The following NDST1 variants were observed in gnomAD, a reference collection of about 807,000 sequenced individuals.
NDST1 encodes the protein bifunctional heparan sulfate N-deacetylase/N-sulfotransferase 1.
Under a neutral mutation model 92.8 loss-of-function variants are expected in NDST1, and 35 were observed. That is an observed-to-expected ratio of 0.38 (90% CI 0.29 to 0.50). NDST1 has a LOEUF of 0.50. Among genes scored for constraint, NDST1 ranks in the 20% least tolerant of loss-of-function variants. NDST1 has a pLI of 0.94. For synonymous variants in NDST1, 493 were observed against 500.3 expected (o/e 0.99, Z 0.19); for missense variants, 822 against 1,182.7 (o/e 0.69, Z 4.47).
At chr5:150,539,539 G>A (rs1035316513) in intron 7 of NDST1, 183 bp downstream of exon 7, 4 of 1,462,486 alleles carry the variant, frequency 2.7e-6, no homozygotes, top group East Asian at 2.5e-5. Flanking sequence ...TAAAGAATCC[G>A]AGCATGCTTT....
rs148635500 is a variant in NDST1 at position 150,523,374 on chromosome 5, G to A, written c.513+1607G>A. On this transcript the variant is annotated intron_variant, in intron 2 of 14. Transcript: ENST00000261797. ...GAGTCCCAGGCCTGAAAAGCGTCAA[G>A]AGGCTGACGTTTATTGAGTGCTCAC... 3.3e-4 allele frequency among the ~76,000 whole-genome samples: 51 copies of A among 152,328 alleles called. No individual in the cohort carries two copies. In the East Asian group the frequency reaches 9.8e-3, roughly 29 times the overall value.
chr5:150,502,226 A>G (rs895788612), intron 1 of NDST1, among the ~76,000 whole-genome samples: 1 of 151,950 alleles, frequency 6.6e-6, no homozygotes, highest in Admixed American at 6.5e-5. Flanking sequence ...AGGCTGCTGC[A>G]GTCTTGCCAC....
intron 6 of NDST1, 27 bp downstream of exon 6, chr5:150,535,912 G>T (rs1339543545): frequency 1.9e-6 from 3 of 1,607,574 alleles, no homozygotes; most frequent in Middle Eastern, 1.7e-4. Context: ...AAGCCCAGGA[G>T]GTGGGAGAAT....
At chr5:150,548,903 A>G (rs1283434460) in intron 12 of NDST1, among the ~76,000 whole-genome samples, 1 of 152,204 alleles carries the variant, frequency 6.6e-6, no homozygotes, top group Admixed American at 6.5e-5. Context: ...CCATCACCAC[A>G]GGCCCTGTAG....
At chr5:150,520,077 G>A (rs932443083) in intron 1 of NDST1, among the ~76,000 whole-genome samples, 33 of 152,096 alleles carry the variant, frequency 2.2e-4, no homozygotes, top group African/African-American at 7.5e-4. Flanking sequence ...CTGTGGGTAC[G>A]TACCCCGAGG....
chr5:150,500,883 C>T (rs1450746207), intron 1 of NDST1, among the ~76,000 whole-genome samples: 1 of 152,228 alleles, frequency 6.6e-6, no homozygotes, highest in Non-Finnish European at 1.5e-5. Context: ...GACCCCAGGT[C>T]TTCCAATGCC....
intron 11 of NDST1, among the ~76,000 whole-genome samples, chr5:150,547,479 C>T (rs1755539941): frequency 1.3e-5 from 2 of 152,170 alleles, no homozygotes; most frequent in Admixed American, 1.3e-4. Flanking sequence ...CAGATTCGGA[C>T]CTCCCATGGC....
rs990847937 is a variant in NDST1 at position 150,545,453 on chromosome 5, C to T, written c.2112C>T (p.Ile704=). ...AAGCCAAGGTCCTGACCATCCTCATCAACCCCGCGGACCGGGCCTATTCCT... is the reference window on the plus strand; with the variant it reads ...AAGCCAAGGTCCTGACCATCCTCATTAACCCCGCGGACCGGGCCTATTCCT... ...LPKAKVLTIL[I]NPADRAYSWY... Residue 704 remains isoleucine (I), a synonymous_variant, in exon 11 of 15, where the codon ATC becomes ATT. Coordinates refer to ENST00000261797, the MANE Select transcript of NDST1 (RefSeq NM_001543.5). The T allele has an allele frequency of 6.2e-7, 1 of 1,614,138 alleles. No individual in the cohort carries two copies. The highest frequency in any genetic ancestry group is 1.3e-5 in the African/African-American group (1 of 74,946).
intron 3 of NDST1, among the ~76,000 whole-genome samples, chr5:150,532,360 C>T (rs1754782021): frequency 6.6e-6 from 1 of 152,196 alleles, no homozygotes; most frequent in Non-Finnish European, 1.5e-5. Flanking sequence ...TTCAAGGACA[C>T]ATAGCAGAGC....
intron 1 of NDST1, among the ~76,000 whole-genome samples, chr5:150,513,724 C>T (rs1753830229): frequency 6.6e-6 from 1 of 152,224 alleles, no homozygotes; most frequent in Non-Finnish European, 1.5e-5. Context: ...TTCCTGGAGC[C>T]CACCCATTCA....
chr5:150,543,143 TAGAC>T (rs1241175798), intron 10 of NDST1, among the ~76,000 whole-genome samples, 172 bp downstream of exon 10: 1 of 152,220 alleles, frequency 6.6e-6, no homozygotes, highest in Non-Finnish European at 1.5e-5. Flanking sequence ...AGCGTTGTCA[TAGAC>T]AGGACACTCG....
intron 1 of NDST1, among the ~76,000 whole-genome samples, chr5:150,502,706 G>A (rs1206419165): frequency 6.6e-6 from 1 of 152,002 alleles, no homozygotes; most frequent in African/African-American, 2.4e-5. Context: ...CCTTTTGGAC[G>A]AGGAAAAAGG....
intron 9 of NDST1, 138 bp downstream of exon 9, chr5:150,541,804 T>C: frequency 1.2e-6 from 1 of 800,850 alleles, no homozygotes; most frequent in East Asian, 2.7e-5. Context: ...GAAGTTGGGG[T>C]GAACACAAAT....
At chr5:150,526,330 T>G (rs1022191221) in intron 2 of NDST1, among the ~76,000 whole-genome samples, 2 of 152,192 alleles carry the variant, frequency 1.3e-5, no homozygotes, top group Admixed American at 6.5e-5. Flanking sequence ...ATTTTAAGGT[T>G]CATGAGAGCA....
At chr5:150,546,556 G>A (rs1755493339) in intron 11 of NDST1, among the ~76,000 whole-genome samples, 1 of 152,248 alleles carries the variant, frequency 6.6e-6, no homozygotes, top group Non-Finnish European at 1.5e-5. Context: ...CTTGGTGTTG[G>A]GGAGGGGGTG....
Position 150,540,211 on chromosome 5 carries a change from T to C in NDST1, c.1696T>C (p.Leu566=), listed in dbSNP as rs554640817. 5.3e-5 allele frequency: 86 copies of C among 1,614,010 alleles called. 2 individuals carry two copies. The South Asian group carries it at 8.7e-4, about 16-fold the overall frequency. The change falls in exon 8 of 15, where the codon TTG becomes CTG. Residue 566 remains leucine (L), a synonymous_variant. Coordinates refer to ENST00000261797, the MANE Select transcript of NDST1 (RefSeq NM_001543.5). ...GCTGCAGACACTGCCCCCTGTGCAG[T>C]TGGCGCAGAAGTACTTCCAGATCTT... ...LRLQTLPPVQ[L]AQKYFQIFSE...
At chr5:150,501,593 C>G (rs1753234644) in intron 1 of NDST1, among the ~76,000 whole-genome samples, 1 of 152,186 alleles carries the variant, frequency 6.6e-6, no homozygotes, top group Admixed American at 6.5e-5. Flanking sequence ...CTGTGTAAGC[C>G]TAAAGTTGTG....
intron 6 of NDST1, 58 bp downstream of exon 6, chr5:150,535,943 T>C: frequency 6.4e-7 from 1 of 1,556,902 alleles, no homozygotes. Flanking sequence ...GTCTGTCATG[T>C]GTGTGCATAC....
In NDST1 at chr5:150,540,244, G is replaced by A; in HGVS notation, c.1729G>A (p.Glu577Lys). 1 of 1,610,436 alleles carries A rather than the reference G, an allele frequency of 6.2e-7. No homozygotes were observed. Among genetic ancestry groups the A allele is most frequent in the South Asian group, 1.1e-5 (1 of 90,940 alleles). Reference sequence around the variant, plus strand: ...GAAGTACTTCCAGATCTTCTCCGAGGAGAAGGACCCGCTCTGGCAGGTGGG... The same window carrying A: ...GAAGTACTTCCAGATCTTCTCCGAGAAGAAGGACCCGCTCTGGCAGGTGGG... ...AQKYFQIFSEEKDPLWQDPCE... is the reference protein window; with the variant it reads ...AQKYFQIFSEKKDPLWQDPCE... The change falls in exon 8 of 15, where the codon GAG (glutamate) becomes AAG (lysine). Residue 577 changes from glutamate (E) to lysine (K), a missense_variant. Transcript: ENST00000261797.
Sources: gnomAD v4.1 joint callset for allele counts (sites outside exome capture counted in the v4.1 genomes callset) on GRCh38, gnomAD v4.1.1 for gene constraint, MANE v1.5 for transcripts, NCBI Gene and HGNC (gene_info 2026-07-23, HGNC 2026-07-21) for gene names.